The following ARHGAP31 variants were observed in gnomAD, a reference collection of about 807,000 sequenced individuals.
ARHGAP31 encodes Rho GTPase activating protein 31, also known as rho GTPase-activating protein 31.
Under a neutral mutation model 113.9 loss-of-function variants are expected in ARHGAP31, and 34 were observed. The observed-to-expected ratio is 0.30, with a 90% CI of 0.23 to 0.40. ARHGAP31 has a LOEUF of 0.40. ARHGAP31 is among the 10% of genes least tolerant of loss of function. ARHGAP31 has a pLI of 1.00. For synonymous variants in ARHGAP31, 650 were observed against 684.8 expected, an observed-to-expected ratio of 0.95 and a Z score of 0.79; for missense variants, 1,548 against 1,767.1, an observed-to-expected ratio of 0.88 and a Z score of 2.22.
Position 119,376,758 on chromosome 3 carries a change from C to CA in ARHGAP31, c.349-4132dup, listed in dbSNP as rs71156744. Among the ~76,000 whole-genome samples the CA allele has an allele frequency of 5.6e-3, 756 of 135,776 alleles. 5 individuals are homozygous for CA. Among genetic ancestry groups the CA allele is most frequent in the Admixed American group, 7.8e-3 (102 of 13,146 alleles). The allele number at this position is 135,776 out of a possible 152,430, so 89.1% of individuals were successfully genotyped here. ...CTGGGTGACAGAGTGAGACTCGTCT[C>CA]AAAAAAAAAAAAAAGGCAGTGTCAC... is the stretch of plus-strand genomic sequence containing the variant. On this transcript the variant is annotated intron_variant, in intron 3 of 11. Coordinates refer to ENST00000264245, the MANE Select transcript of ARHGAP31 (RefSeq NM_020754.4).
At chr3:119,398,706 G>GA (rs1301978745) in intron 8 of ARHGAP31, among the ~76,000 whole-genome samples, 19 of 152,336 alleles carry the variant, frequency 1.2e-4, no homozygotes, top group Non-Finnish European at 2.5e-4. Flanking sequence ...CCAGCCTGCA[G>GA]GCCTCAAGGA....
intron 1 of ARHGAP31, among the ~76,000 whole-genome samples, chr3:119,301,539 G>A (rs2079585226): frequency 6.6e-6 from 1 of 152,202 alleles, no homozygotes; most frequent in South Asian, 2.1e-4. Context: ...GGGCTAGCCT[G>A]GGAACCTTTT....
chr3:119,296,968 T>A (rs1421982784), intron 1 of ARHGAP31, among the ~76,000 whole-genome samples: 1 of 152,064 alleles, frequency 6.6e-6, no homozygotes, highest in Admixed American at 6.6e-5. Flanking sequence ...AATGATATTT[T>A]CCCCCTAAAT....
Position 119,368,465 on chromosome 3 carries a change from T to C in ARHGAP31, c.297T>C (p.Phe99=), listed in dbSNP as rs760648020. The change falls in exon 3 of 12, where the codon TTT becomes TTC. Residue 99 remains phenylalanine, a synonymous_variant. Coordinates refer to ENST00000264245, the MANE Select transcript of ARHGAP31 (RefSeq NM_020754.4). ...TGGGCTCGCTTTGCAAGCTCTACTT[T>C]AGGGAGCTGCCCAACCCCCTCCTGA... ...HCVGSLCKLY[F]RELPNPLLTY... 2 of 1,614,148 alleles carry C rather than the reference T, an allele frequency of 1.2e-6. No homozygotes were observed. Among genetic ancestry groups the C allele is most frequent in the Non-Finnish European group, 8.5e-7 (1 of 1,180,006 alleles).
chr3:119,401,457 C>T (rs1005329204), intron 9 of ARHGAP31, among the ~76,000 whole-genome samples: 1 of 152,004 alleles, frequency 6.6e-6, no homozygotes, highest in Non-Finnish European at 1.5e-5. Flanking sequence ...ATCATCCTAC[C>T]GCCTCCCATC....
rs34045876 is a variant in ARHGAP31 at position 119,370,583 on chromosome 3, AAC to A, written c.348+2078_348+2079del. Among the ~76,000 whole-genome samples the A allele has an allele frequency of 7.7e-3, 1,169 of 152,092 alleles. 37 individuals are homozygous for A. In the East Asian group the frequency reaches 0.1, roughly 14 times the overall value. ...GTAGTAATAGATGTTAACAGATCTCAACACACACACACTCACACACACTCACT... is the reference window on the plus strand; with the variant it reads ...GTAGTAATAGATGTTAACAGATCTCAACACACACACTCACACACACTCACT... On this transcript the variant is annotated intron_variant, in intron 3 of 11. Transcript: ENST00000264245.
chr3:119,414,017 A>G lies in ARHGAP31; in HGVS notation c.2088A>G (p.Ser696=), dbSNP rs760835181. The G allele has an allele frequency of 1.2e-6, 2 of 1,614,148 alleles. No homozygotes were observed. The highest frequency in any genetic ancestry group is 1.7e-6 in the Non-Finnish European group (2 of 1,180,020). Residue 696 remains serine (S), a synonymous_variant, in exon 12 of 12, where the codon TCA becomes TCG. Transcript: ENST00000264245. ...CGAGTCTGGGGCCCTTTATTCCCTCAGAGCCTCCTGGGAGCTTGCCTTGTG... is the reference window on the plus strand; with the variant it reads ...CGAGTCTGGGGCCCTTTATTCCCTCGGAGCCTCCTGGGAGCTTGCCTTGTG... ...LESSLGPFIP[S]EPPGSLPCGS...
chr3:119,383,102 C>T lies in ARHGAP31; in HGVS notation c.558C>T (p.Ala186=), dbSNP rs1324093557. ...ACGGTAGGTCTAAAGAAATTGAAGC[C>T]ACTGGTTGCAATGGAGATGCAGCCT... The part of the protein sequence containing the change: ...PNLLRSKEIE[A]TGCNGDAAFL... The change falls in exon 6 of 12, where the codon GCC becomes GCT. Residue 186 remains alanine, a synonymous_variant. Coordinates refer to ENST00000264245, the MANE Select transcript of ARHGAP31 (RefSeq NM_020754.4). 1 of 1,614,162 alleles carries T rather than the reference C, an allele frequency of 6.2e-7. No homozygotes were observed. Among genetic ancestry groups the T allele is most frequent in the Non-Finnish European group, 8.5e-7 (1 of 1,180,036 alleles).
chr3:119,368,926 T>G (rs1050119831), intron 3 of ARHGAP31, among the ~76,000 whole-genome samples: 1 of 152,008 alleles, frequency 6.6e-6, no homozygotes, highest in Non-Finnish European at 1.5e-5. Context: ...GTTTCTTTTG[T>G]AGGTTGGGTA....
chr3:119,382,572 C>G (rs776357765), intron 5 of ARHGAP31, among the ~76,000 whole-genome samples, 173 bp downstream of exon 5: 7 of 152,262 alleles, frequency 4.6e-5, no homozygotes, highest in Admixed American at 3.9e-4. Flanking sequence ...AGCCTAAGCT[C>G]TCTGCCTGCT....
At chr3:119,407,778 G>C (rs532685268) in intron 10 of ARHGAP31, among the ~76,000 whole-genome samples, 1 of 152,326 alleles carries the variant, frequency 6.6e-6, no homozygotes, top group Non-Finnish European at 1.5e-5. Flanking sequence ...AGAGTGCAAG[G>C]CCTGGCAGGG....
chr3:119,377,928 C>T (rs1215189411), intron 3 of ARHGAP31, among the ~76,000 whole-genome samples: 1 of 152,032 alleles, frequency 6.6e-6, no homozygotes, highest in Non-Finnish European at 1.5e-5. Context: ...GTTGGGCCAC[C>T]CTGGTGACAG....
chr3:119,332,541 C>G (rs2079901057), intron 1 of ARHGAP31, among the ~76,000 whole-genome samples: 1 of 150,948 alleles, frequency 6.6e-6, no homozygotes, highest in East Asian at 2.0e-4. Flanking sequence ...CAAGCTGTAG[C>G]CAATCCTCCA....
intron 1 of ARHGAP31, among the ~76,000 whole-genome samples, chr3:119,304,911 A>C (rs1056363921): frequency 1.6e-5 from 1 of 64,258 alleles, no homozygotes; most frequent in Non-Finnish European, 2.6e-5. Context: ...AAATAAAATA[A>C]AATAAAATAA....
In ARHGAP31 at chr3:119,414,262, C is replaced by G; in HGVS notation, c.2333C>G (p.Ser778Cys). The G allele has an allele frequency of 6.2e-7, 1 of 1,614,212 alleles. No homozygotes were observed. Among genetic ancestry groups the G allele is most frequent in the Non-Finnish European group, 8.5e-7 (1 of 1,180,044 alleles). Residue 778 changes from serine (S) to cysteine (C), a missense_variant, in exon 12 of 12, where the codon TCT becomes TGT. Physicochemically the swap from Ser to Cys is moderately radical, Grantham distance 112. Transcript: ENST00000264245. ...TVEVGGPGNL[S>C]PPLPPAPPPP... ...GAAGTAGGAGGCCCAGGCAATCTGT[C>G]TCCTCCACTCCCACCTGCTCCTCCC...
At position 119,294,603 on chromosome 3, in the gene ARHGAP31, C is replaced by G. The variant is rs1559957208; in HGVS notation, c.-302C>G. The G allele has an allele frequency of 5.6e-6, 3 of 534,852 alleles. No individual in the cohort carries two copies. The highest frequency in any genetic ancestry group is 2.0e-5 in the African/African-American group (1 of 49,344). 33.1% of individuals were successfully genotyped at this position (534,852 alleles called of 1,614,324 possible). ...GAAACACCCGAAGACACCGCAGGAG[C>G]CTGTGAAAGTCCCTAGGACTCCAAG... On this transcript the variant is annotated 5_prime_UTR_variant, in exon 1 of 12. Coordinates refer to ENST00000264245, the MANE Select transcript of ARHGAP31 (RefSeq NM_020754.4).
intron 1 of ARHGAP31, among the ~76,000 whole-genome samples, chr3:119,330,266 C>T (rs1361474569): frequency 1.3e-5 from 2 of 152,206 alleles, no homozygotes; most frequent in Non-Finnish European, 2.9e-5. Flanking sequence ...GCTGCCCAAG[C>T]TGCAGAGGAT....
chr3:119,353,552 C>G (rs1241393283), intron 1 of ARHGAP31, among the ~76,000 whole-genome samples: 1 of 152,158 alleles, frequency 6.6e-6, no homozygotes, highest in Non-Finnish European at 1.5e-5. Context: ...CGCCTGTAAG[C>G]CCAGCACTTT....
chr3:119,328,184 C>T (rs2079861918), intron 1 of ARHGAP31, among the ~76,000 whole-genome samples: 1 of 152,098 alleles, frequency 6.6e-6, no homozygotes, highest in Non-Finnish European at 1.5e-5. Context: ...AATTATGGCT[C>T]AAGGGAAGGG....
Sources: gnomAD v4.1 joint callset for allele counts (sites outside exome capture counted in the v4.1 genomes callset) on GRCh38, gnomAD v4.1.1 for gene constraint, MANE v1.5 for transcripts, NCBI Gene and HGNC (gene_info 2026-07-23, HGNC 2026-07-21) for gene names.